PTPRD: variants seen among roughly 807,000 people sequenced by gnomAD.
The protein encoded by PTPRD is receptor-type tyrosine-protein phosphatase delta.
Under a neutral mutation model 214.5 loss-of-function variants are expected in PTPRD, and 34 were observed. The ratio of observed to expected loss-of-function variants is 0.16; its 90% CI spans 0.12 to 0.21. The LOEUF (loss-of-function observed/expected upper bound fraction) is 0.21, where lower values mean the gene tolerates loss of function less well. Ranked by LOEUF, PTPRD falls within the 10% of genes least tolerant of loss-of-function variation. The pLI is 1.00. For synonymous variants in PTPRD, 1,128 were observed against 845.7 expected (o/e 1.33, Z -5.79); for missense variants, 2,545 against 2,398.7 (o/e 1.06, Z -1.27).
intron 2 of PTPRD, among the ~76,000 whole-genome samples, chr9:10,501,268 G>C (rs895086416): frequency 6.6e-5 from 10 of 151,896 alleles, no homozygotes; most frequent in Admixed American, 5.3e-4. Flanking sequence ...TTGTAGTCTT[G>C]ATTTGTATTT....
intron 5 of PTPRD, among the ~76,000 whole-genome samples, chr9:9,909,462 G>GA: frequency 6.6e-6 from 1 of 151,076 alleles, no homozygotes; most frequent in South Asian, 2.1e-4. Flanking sequence ...AATGACAGTT[G>GA]AAAAAAAGCA....
intron 3 of PTPRD, among the ~76,000 whole-genome samples, chr9:10,111,765 A>G (rs1430471702): frequency 6.6e-6 from 1 of 152,198 alleles, no homozygotes; most frequent in Non-Finnish European, 1.5e-5. Context: ...AGAATCAAAT[A>G]AACCTGCAAG....
chr9:8,831,424 C>T (rs1215918470), intron 11 of PTPRD, among the ~76,000 whole-genome samples: 1 of 152,146 alleles, frequency 6.6e-6, no homozygotes, highest in East Asian at 1.9e-4. Flanking sequence ...CCGGACTACA[C>T]ATTATACAGT....
At chr9:9,616,214 A>T (rs1317027079) in intron 7 of PTPRD, among the ~76,000 whole-genome samples, 2 of 152,174 alleles carry the variant, frequency 1.3e-5, no homozygotes, top group Admixed American at 1.3e-4. Context: ...AAATGAAATG[A>T]TGATTTTCTT....
chr9:9,441,219 C>T (rs926142612), intron 8 of PTPRD, among the ~76,000 whole-genome samples: 7 of 152,152 alleles, frequency 4.6e-5, no homozygotes, highest in Non-Finnish European at 1.0e-4. Context: ...AGCAACAAGC[C>T]TATCCTCGAA....
At chr9:9,024,227 G>A (rs757473109) in intron 10 of PTPRD, among the ~76,000 whole-genome samples, 1 of 151,348 alleles carries the variant, frequency 6.6e-6, no homozygotes, top group Non-Finnish European at 1.5e-5. Context: ...TTTAAATAAT[G>A]TGAATGTTTT....
At chr9:10,271,731 TG>T (rs2154383146) in intron 3 of PTPRD, among the ~76,000 whole-genome samples, 1 of 151,850 alleles carries the variant, frequency 6.6e-6, no homozygotes, top group African/African-American at 2.4e-5. Context: ...TTAGTAGAGA[TG>T]AGGTTTCACC....
chr9:8,500,732 T>G, intron 24 of PTPRD, 22 bp downstream of exon 24: 1 of 1,611,414 alleles, frequency 6.2e-7, no homozygotes. Flanking sequence ...GGGTGCAAAC[T>G]GACGTAGCGG....
At chr9:8,486,443 C>T (rs755078424) in intron 27 of PTPRD, 94 bp from the exon 28 acceptor site, 1 of 1,100,798 alleles carries the variant, frequency 9.1e-7, no homozygotes. Context: ...TACTGGTATT[C>T]CCATTTTCTT....
chr9:9,452,478 G>A (rs1031601957), intron 8 of PTPRD, among the ~76,000 whole-genome samples: 1 of 151,128 alleles, frequency 6.6e-6, no homozygotes, highest in African/African-American at 2.4e-5. Context: ...AGTAAATATG[G>A]AAGTATACAT....
chr9:9,323,655 C>T (rs1967937237), intron 9 of PTPRD, among the ~76,000 whole-genome samples: 2 of 152,086 alleles, frequency 1.3e-5, no homozygotes, highest in South Asian at 4.1e-4. Flanking sequence ...ATGAGATCAT[C>T]TGATTTCTCT....
Position 8,662,295 on chromosome 9 carries a change from T to C in PTPRD, c.65-25451A>G, listed in dbSNP as rs570760620. 7.2e-5 allele frequency among the ~76,000 whole-genome samples: 11 copies of C among 152,156 alleles called. No individual in the cohort carries two copies. In the South Asian group the frequency reaches 2.1e-3, roughly 29 times the overall value. On this transcript the variant is annotated intron_variant, in intron 12 of 45. Coordinates refer to ENST00000381196, the MANE Select transcript of PTPRD (RefSeq NM_002839.4). ...GTTACTGGGGAAACGGGGTCACTGC[T>C]ATGTTGGAAAACAAACAAACAAACA...
chr9:10,587,575 G>A (rs1195156531), intron 2 of PTPRD, among the ~76,000 whole-genome samples: 1 of 151,948 alleles, frequency 6.6e-6, no homozygotes, highest in Non-Finnish European at 1.5e-5. Flanking sequence ...AAAAATACCT[G>A]ATCCAGATTA....
chr9:9,434,647 A>C (rs984478388), intron 8 of PTPRD, among the ~76,000 whole-genome samples: 3 of 152,100 alleles, frequency 2.0e-5, no homozygotes, highest in African/African-American at 7.2e-5. Context: ...GATAAACTAA[A>C]ACAGCATGGT....
In PTPRD at chr9:9,350,200, C is replaced by G. The variant is rs578097569; in HGVS notation, c.-203+47249G>C. On this transcript the variant is annotated intron_variant, in intron 9 of 45. Transcript: ENST00000381196. ...AAAAAATGTTCCTCTCCTGAACAAG[C>G]AGTTAATTTTTGTCATATAGAAATA... Among the ~76,000 whole-genome samples the G allele has an allele frequency of 9.3e-4, 142 of 152,136 alleles. 1 individual carries two copies. Among genetic ancestry groups the G allele is most frequent in the Middle Eastern group, 3.4e-3 (1 of 294 alleles).
intron 11 of PTPRD, among the ~76,000 whole-genome samples, chr9:8,834,004 A>C (rs2097357975): frequency 6.6e-6 from 1 of 152,074 alleles, no homozygotes; most frequent in African/African-American, 2.4e-5. Flanking sequence ...CTAAATTTTT[A>C]TAATTTCTCA....
chr9:8,317,092 C>G lies in PTPRD; in HGVS notation c.*782G>C, dbSNP rs541219046. On this transcript the variant is annotated 3_prime_UTR_variant, in exon 46 of 46. Coordinates refer to ENST00000381196, the MANE Select transcript of PTPRD (RefSeq NM_002839.4). ...AGAGAATGGGTACTTTCTCACCAATCAAAACTGAAGTGTAAAATTAATATA... is the reference window on the plus strand; with the variant it reads ...AGAGAATGGGTACTTTCTCACCAATGAAAACTGAAGTGTAAAATTAATATA... 91 of 227,792 alleles carry G rather than the reference C, an allele frequency of 4.0e-4. 2 individuals carry two copies. The South Asian group carries it at 8.2e-3, about 20-fold the overall frequency. 14.1% of individuals were successfully genotyped at this position (227,792 alleles called of 1,614,324 possible).
At chr9:8,614,222 T>C (rs2154293413) in intron 14 of PTPRD, among the ~76,000 whole-genome samples, 1 of 152,282 alleles carries the variant, frequency 6.6e-6, no homozygotes, top group South Asian at 2.1e-4. Context: ...TTTGCTAAAG[T>C]TTATTTGTAA....
intron 5 of PTPRD, among the ~76,000 whole-genome samples, chr9:9,839,415 A>G (rs1378993227): frequency 2.0e-5 from 3 of 152,324 alleles, no homozygotes; most frequent in East Asian, 3.9e-4. Context: ...ATAACAGACA[A>G]ACAGAGAGGG....
Sources: allele counts gnomAD v4.1 joint callset (sites outside exome capture counted in the v4.1 genomes callset), GRCh38; gene constraint gnomAD v4.1.1; transcripts MANE v1.5; gene names NCBI Gene and HGNC (gene_info 2026-07-23, HGNC 2026-07-21).